Variants in NRXN3 observed in about 807,000 individuals in gnomAD.
NRXN3 encodes neurexin III.
NRXN3 carries 32 observed loss-of-function variants against 137.6 expected under a neutral mutation model. The ratio of observed to expected loss-of-function variants is 0.23; its 90% CI spans 0.18 to 0.31. NRXN3 has a LOEUF of 0.31. Among genes scored for constraint, NRXN3 ranks in the 10% least tolerant of loss-of-function variants. NRXN3 has a pLI of 1.00. For synonymous variants in NRXN3, 798 were observed against 784.5 expected, an observed-to-expected ratio of 1.02 and a Z score of -0.29; for missense variants, 1,574 against 2,062.5, an observed-to-expected ratio of 0.76 and a Z score of 4.59.
chr14:78,290,127 C>T (rs979288455), intron 3 of NRXN3, among the ~76,000 whole-genome samples: 5 of 152,146 alleles, frequency 3.3e-5, no homozygotes, highest in Admixed American at 1.3e-4. Context: ...TGAACCAAAA[C>T]CCTATATCTG....
intron 20 of NRXN3, among the ~76,000 whole-genome samples, chr14:79,855,878 A>G (rs897856756): frequency 2.0e-5 from 3 of 152,208 alleles, no homozygotes; most frequent in African/African-American, 7.2e-5. Context: ...CTCATTTTCC[A>G]GAGTTTAAGA....
Position 78,721,899 on chromosome 14 carries a change from T to A in NRXN3, c.2044+6760T>A, listed in dbSNP as rs115311384. Reference sequence around the variant, plus strand: ...TTGTTGCTTAAGTCATACAAATGTATCCCTGGTGACAGCCACCAGCAGAGC... The same window carrying A: ...TTGTTGCTTAAGTCATACAAATGTAACCCTGGTGACAGCCACCAGCAGAGC... On this transcript the variant is annotated intron_variant, in intron 8 of 20. Transcript: ENST00000335750. Among the ~76,000 whole-genome samples, 1,506 of 152,120 alleles carry A rather than the reference T, an allele frequency of 9.9e-3. 25 individuals are homozygous for A. Among genetic ancestry groups the A allele is most frequent in the African/African-American group, 0.034 (1,426 of 41,476 alleles).
chr14:78,748,483 A>G (rs1219032041), intron 8 of NRXN3, among the ~76,000 whole-genome samples: 2 of 152,218 alleles, frequency 1.3e-5, no homozygotes, highest in South Asian at 2.1e-4. Flanking sequence ...TTCTCAAGAC[A>G]ATGAGAAATT....
chr14:79,628,996 A>G (rs2098313335), intron 16 of NRXN3, among the ~76,000 whole-genome samples: 1 of 152,208 alleles, frequency 6.6e-6, no homozygotes, highest in Non-Finnish European at 1.5e-5. Flanking sequence ...TTCAAACTAG[A>G]TCCGTTTCTC....
intron 10 of NRXN3, among the ~76,000 whole-genome samples, chr14:78,880,055 C>T (rs112530949): frequency 0.013 from 1,854 of 142,020 alleles, 34 homozygotes; most frequent in Admixed American, 0.02. Context: ...CCGGCTAAAA[C>T]GGTGAAACCC....
rs572520059 is a variant in NRXN3 at position 78,848,949 on chromosome 14, A to T, written c.2275+38605A>T. Among the ~76,000 whole-genome samples the T allele has an allele frequency of 9.2e-5, 14 of 152,214 alleles. No homozygotes were observed. In the South Asian group the frequency reaches 2.3e-3, roughly 25 times the overall value. ...GAAATATAGGGGCCACGGGAGCAGG[A>T]GTGGGTTTGTTTTTGAAGTCAGTAG... On this transcript the variant is annotated intron_variant, in intron 10 of 20. Coordinates refer to ENST00000335750, the MANE Select transcript of NRXN3 (RefSeq NM_001330195.2).
intron 15 of NRXN3, among the ~76,000 whole-genome samples, chr14:79,110,727 A>G (rs1596059733): frequency 6.6e-6 from 1 of 151,852 alleles, no homozygotes; most frequent in East Asian, 1.9e-4. Context: ...GGAATTCACT[A>G]TTTTTGCAAG....
chr14:79,143,156 TCA>T (rs1420517596), intron 15 of NRXN3, among the ~76,000 whole-genome samples: 3 of 152,220 alleles, frequency 2.0e-5, no homozygotes, highest in Non-Finnish European at 4.4e-5. Context: ...CAAGCCTTTC[TCA>T]TTCATCCTTT....
At chr14:78,848,291 A>G (rs888164702) in intron 10 of NRXN3, among the ~76,000 whole-genome samples, 3 of 152,112 alleles carry the variant, frequency 2.0e-5, no homozygotes, top group Non-Finnish European at 2.9e-5. Flanking sequence ...AGACTGGGAT[A>G]ATTTGAGTGT....
chr14:79,594,756 A>G (rs2077366451), intron 16 of NRXN3, among the ~76,000 whole-genome samples: 1 of 152,144 alleles, frequency 6.6e-6, no homozygotes, highest in Non-Finnish European at 1.5e-5. Context: ...TGAAAAGGAG[A>G]AAAATTCAGA....
At chr14:78,585,535 G>A (rs901854004) in intron 4 of NRXN3, among the ~76,000 whole-genome samples, 2 of 152,190 alleles carry the variant, frequency 1.3e-5, no homozygotes, top group Non-Finnish European at 2.9e-5. Context: ...AGGGAGACTA[G>A]TTAGGAGACT....
intron 10 of NRXN3, among the ~76,000 whole-genome samples, chr14:78,884,945 CAT>C (rs72522752): frequency 0.054 from 8,223 of 152,042 alleles, 393 homozygotes; most frequent in East Asian, 0.26. Context: ...GTACCTGACA[CAT>C]AGGAAACATT....
At chr14:79,562,563 A>T (rs1010870859) in intron 16 of NRXN3, among the ~76,000 whole-genome samples, 8 of 152,304 alleles carry the variant, frequency 5.3e-5, no homozygotes, top group African/African-American at 1.9e-4. Context: ...CCAAATTGCT[A>T]TCACTCTGCC....
chr14:78,385,391 A>G (rs763205723), intron 4 of NRXN3, among the ~76,000 whole-genome samples: 1 of 152,126 alleles, frequency 6.6e-6, no homozygotes, highest in Non-Finnish European at 1.5e-5. Flanking sequence ...TTTGCAAGCC[A>G]AAGTAATTAA....
chr14:79,254,991 A>G (rs1217678982), intron 15 of NRXN3, among the ~76,000 whole-genome samples: 1 of 151,986 alleles, frequency 6.6e-6, no homozygotes, highest in Admixed American at 6.6e-5. Flanking sequence ...GCTAACTCCC[A>G]TAATTGCTTG....
At chr14:79,420,039 C>A (rs1038491018) in intron 15 of NRXN3, among the ~76,000 whole-genome samples, 1 of 151,952 alleles carries the variant, frequency 6.6e-6, no homozygotes, top group Admixed American at 6.6e-5. Context: ...GAACCAGGAC[C>A]AGTAGATAGA....
At chr14:78,283,297 A>G (rs1306287912) in intron 3 of NRXN3, 2 of 152,212 alleles carry the variant, frequency 1.3e-5, no homozygotes, top group African/African-American at 2.4e-5. Context: ...TTGGCAAACT[A>G]TAGCTTGAGG....
chr14:78,675,170 A>G (rs2097988485), intron 6 of NRXN3, among the ~76,000 whole-genome samples: 1 of 152,182 alleles, frequency 6.6e-6, no homozygotes, highest in Admixed American at 6.6e-5. Flanking sequence ...GGCCTAAATA[A>G]GAGGCAGAAT....
intron 14 of NRXN3, among the ~76,000 whole-genome samples, chr14:78,972,632 C>T (rs115412107): frequency 0.011 from 1,706 of 152,218 alleles, 33 homozygotes; most frequent in African/African-American, 0.039. Context: ...AAGTCTGATG[C>T]GCCCCTGCCC....
Sources: gnomAD v4.1 joint callset for allele counts (sites outside exome capture counted in the v4.1 genomes callset) on GRCh38, gnomAD v4.1.1 for gene constraint, MANE v1.5 for transcripts, NCBI Gene and HGNC (gene_info 2026-07-23, HGNC 2026-07-21) for gene names.